Variants in RABGAP1L observed in about 807,000 individuals in gnomAD.
The protein encoded by RABGAP1L is rab GTPase-activating protein 1-like.
Under a neutral mutation model 137.7 loss-of-function variants are expected in RABGAP1L, and 63 were observed. That is an observed-to-expected ratio of 0.46 (90% CI 0.37 to 0.56). The LOEUF (loss-of-function observed/expected upper bound fraction) is 0.56. RABGAP1L is among the 20% of genes least tolerant of loss of function. The pLI is 0.00. For synonymous variants in RABGAP1L, 431 were observed against 433.7 expected (o/e 0.99, Z 0.08); for missense variants, 1,095 against 1,244.0 (o/e 0.88, Z 1.80).
chr1:174,522,305 C>G (rs1293619011), intron 13 of RABGAP1L, among the ~76,000 whole-genome samples: 1 of 152,106 alleles, frequency 6.6e-6, no homozygotes, highest in Non-Finnish European at 1.5e-5. Flanking sequence ...AGTCCAGACA[C>G]AGTGACTCAA....
At chr1:174,612,539 C>A (rs1002502382) in intron 13 of RABGAP1L, among the ~76,000 whole-genome samples, 3 of 151,932 alleles carry the variant, frequency 2.0e-5, no homozygotes, top group African/African-American at 4.8e-5. Flanking sequence ...TGTCTCTGCC[C>A]GGCTTTGGTA....
intron 15 of RABGAP1L, among the ~76,000 whole-genome samples, chr1:174,685,853 G>C (rs1229267332): frequency 7.2e-5 from 11 of 152,182 alleles, no homozygotes; most frequent in Admixed American, 7.2e-4. Context: ...GAGCCGCTGT[G>C]CCCGTCTGAT....
At chr1:174,921,757 T>G (rs1661851267) in intron 19 of RABGAP1L, among the ~76,000 whole-genome samples, 2 of 152,238 alleles carry the variant, frequency 1.3e-5, no homozygotes, top group African/African-American at 4.8e-5. Flanking sequence ...TTTATTATGG[T>G]CTGTCATGTT....
At chr1:174,303,572 A>C (rs1343102710) in intron 10 of RABGAP1L, among the ~76,000 whole-genome samples, 20 of 152,192 alleles carry the variant, frequency 1.3e-4, no homozygotes, top group Admixed American at 1.3e-3. Flanking sequence ...GCTGTAATGA[A>C]TGCTAATATG....
chr1:174,338,504 C>T (rs1571286987), intron 11 of RABGAP1L, among the ~76,000 whole-genome samples: 1 of 149,988 alleles, frequency 6.7e-6, no homozygotes. Context: ...GTTTATTATC[C>T]TGTTTTTAAC....
At chr1:174,774,480 C>T (rs758916584) in intron 18 of RABGAP1L, among the ~76,000 whole-genome samples, 11 of 151,652 alleles carry the variant, frequency 7.3e-5, no homozygotes, top group South Asian at 2.1e-4. Context: ...CATTGCACTC[C>T]GGTGATCACA....
chr1:174,399,409 G>A (rs779028566), intron 13 of RABGAP1L, among the ~76,000 whole-genome samples: 12 of 152,078 alleles, frequency 7.9e-5, no homozygotes, highest in South Asian at 2.1e-4. Context: ...GCAGCTGTTC[G>A]TCCTTTCTTT....
At chr1:174,206,312 G>T (rs987000370) in intron 1 of RABGAP1L, among the ~76,000 whole-genome samples, 2 of 152,180 alleles carry the variant, frequency 1.3e-5, no homozygotes, top group African/African-American at 4.8e-5. Flanking sequence ...ACATACTTGT[G>T]TACATGCATA....
At chr1:174,861,569 C>T (rs1248080103) in intron 19 of RABGAP1L, among the ~76,000 whole-genome samples, 2 of 152,044 alleles carry the variant, frequency 1.3e-5, no homozygotes, top group Non-Finnish European at 2.9e-5. Flanking sequence ...ACATTTCCAC[C>T]AAAAGTGTAT....
chr1:174,423,000 AAT>A (rs1491297524), intron 13 of RABGAP1L, among the ~76,000 whole-genome samples: 1 of 151,964 alleles, frequency 6.6e-6, no homozygotes, highest in African/African-American at 2.4e-5. Context: ...AAAAATAGTG[AAT>A]AGTGACATTT....
At chr1:174,585,752 A>G (rs1669065559) in intron 13 of RABGAP1L, among the ~76,000 whole-genome samples, 1 of 152,186 alleles carries the variant, frequency 6.6e-6, no homozygotes, top group Admixed American at 6.5e-5. Flanking sequence ...TGGCATGGCA[A>G]GTTGTCAATA....
At chr1:174,832,667 A>C (rs1692235043) in intron 19 of RABGAP1L, among the ~76,000 whole-genome samples, 1 of 120,882 alleles carries the variant, frequency 8.3e-6, no homozygotes, top group Admixed American at 8.0e-5. Flanking sequence ...CCATGTGCTG[A>C]CAGTGGGCAC....
intron 18 of RABGAP1L, among the ~76,000 whole-genome samples, chr1:174,778,811 G>A (rs892367905): frequency 1.3e-5 from 2 of 152,034 alleles, no homozygotes; most frequent in African/African-American, 4.8e-5. Context: ...GGCCAGGCTT[G>A]TCTCAAACTC....
intron 17 of RABGAP1L, among the ~76,000 whole-genome samples, chr1:174,706,652 G>A (rs80262947): frequency 1.3e-5 from 2 of 151,984 alleles, no homozygotes; most frequent in African/African-American, 4.8e-5. Flanking sequence ...TGGACATAAC[G>A]AAGTAACCAG....
At chr1:174,765,794 G>A (rs1376733228) in intron 18 of RABGAP1L, among the ~76,000 whole-genome samples, 1 of 151,996 alleles carries the variant, frequency 6.6e-6, no homozygotes, top group Non-Finnish European at 1.5e-5. Flanking sequence ...TGTGCATTTG[G>A]TGTCATATCT....
chr1:174,887,619 G>T (rs1241924939), intron 19 of RABGAP1L, among the ~76,000 whole-genome samples: 1 of 152,092 alleles, frequency 6.6e-6, no homozygotes. Flanking sequence ...ACTTGGGGGG[G>T]GGGTCATGGA....
intron 19 of RABGAP1L, among the ~76,000 whole-genome samples, chr1:174,815,243 T>A (rs1690276350): frequency 6.6e-6 from 1 of 152,184 alleles, no homozygotes; most frequent in Non-Finnish European, 1.5e-5. Flanking sequence ...ATGTGAGTCA[T>A]CATGCCATCA....
At chr1:174,971,944 T>A (rs1004008355) in intron 21 of RABGAP1L, among the ~76,000 whole-genome samples, 1 of 152,264 alleles carries the variant, frequency 6.6e-6, no homozygotes, top group Non-Finnish European at 1.5e-5. Flanking sequence ...CAAAAATAAA[T>A]CATTTCTTAC....
chr1:174,804,021 A>G (rs1320500194), intron 18 of RABGAP1L, among the ~76,000 whole-genome samples: 2 of 151,930 alleles, frequency 1.3e-5, no homozygotes, highest in East Asian at 1.9e-4. Flanking sequence ...GCACCACTGC[A>G]CTCCAGCCTA....
Sources: allele counts gnomAD v4.1 joint callset (sites outside exome capture counted in the v4.1 genomes callset), GRCh38; gene constraint gnomAD v4.1.1; transcripts MANE v1.5; gene names NCBI Gene and HGNC (gene_info 2026-07-23, HGNC 2026-07-21).